The following CD274 variants were observed in gnomAD, a reference collection of about 807,000 sequenced individuals.
CD274 encodes CD274 molecule.
A neutral mutation model predicts 30.1 loss-of-function variants in CD274; 8 were observed. The observed-to-expected ratio is 0.27, with a 90% CI of 0.16 to 0.48. The LOEUF (loss-of-function observed/expected upper bound fraction) is 0.48, where lower values mean the gene tolerates loss of function less well. Among genes scored for constraint, CD274 ranks in the 20% least tolerant of loss-of-function variants. CD274 has a pLI of 0.99. For missense variants in CD274, 353 were observed against 346.6 expected (o/e 1.02, Z -0.15); for synonymous variants, 152 against 124.6 (o/e 1.22, Z -1.46).
chr9:5,467,819 T>C (rs762616684), intron 6 of CD274, 21 bp from the exon 7 acceptor site: 4 of 1,595,836 alleles, frequency 2.5e-6, no homozygotes, highest in Non-Finnish European at 3.4e-6. Flanking sequence ...ATGAAATTAA[T>C]ATACTATTAT....
In CD274 at chr9:5,450,592, T is replaced by C. The variant is rs1157531055; in HGVS notation, c.-19T>C. 1 of 152,244 alleles carries C rather than the reference T, an allele frequency of 6.6e-6. No homozygotes were observed. Among genetic ancestry groups the C allele is most frequent in the African/African-American group, 2.4e-5 (1 of 41,474 alleles). 9.4% of individuals were successfully genotyped at this position (152,244 alleles called of 1,614,324 possible). On this transcript the variant is annotated 5_prime_UTR_variant, in exon 1 of 7. Transcript: ENST00000381577. ...CGCACCAGCCGCGCTTCTGTCCGCCTGCAGGTAGGGAGCGTTGTTCCTCCG... is the reference window on the plus strand; with the variant it reads ...CGCACCAGCCGCGCTTCTGTCCGCCCGCAGGTAGGGAGCGTTGTTCCTCCG...
At chr9:5,451,272 T>C (rs937187551) in intron 1 of CD274, among the ~76,000 whole-genome samples, 1 of 152,244 alleles carries the variant, frequency 6.6e-6, no homozygotes, top group Non-Finnish European at 1.5e-5. Flanking sequence ...GATGCTTTTC[T>C]ATGAATTAAA....
intron 1 of CD274, 91 bp from the exon 2 acceptor site, chr9:5,456,009 A>G (rs2131208200): frequency 2.6e-6 from 2 of 774,908 alleles, no homozygotes; most frequent in South Asian, 3.0e-5. Context: ...TTAGAAGACT[A>G]TTTCAGTTAG....
At chr9:5,465,774 A>G (rs887710308) in intron 5 of CD274, 168 bp downstream of exon 5, 6 of 535,096 alleles carry the variant, frequency 1.1e-5, no homozygotes, top group Admixed American at 6.5e-5. Flanking sequence ...GTGAAGATGA[A>G]GCGTAAGGGG....
chr9:5,464,692 TAGG>T (rs1819466695), intron 4 of CD274, among the ~76,000 whole-genome samples: 1 of 152,160 alleles, frequency 6.6e-6, no homozygotes, highest in Non-Finnish European at 1.5e-5. Flanking sequence ...TGATGACAGA[TAGG>T]AGGAGGTGGG....
In CD274 at chr9:5,468,487, TCTC is replaced by T. The variant is rs760314519; in HGVS notation, c.*629_*631del. 1.3e-5 allele frequency: 3 copies of T among 233,060 alleles called. No individual in the cohort carries two copies. The highest frequency in any genetic ancestry group is 2.5e-5 in the Non-Finnish European group (3 of 117,992). The allele number at this position is 233,060 out of a possible 1,614,324, so 14.4% of individuals were successfully genotyped here. ...CATGGAGTATTTGTAAGGTGCTTGG[TCTC>T]CTCTATAACTACAAGTATACATTGG... On this transcript the variant is annotated 3_prime_UTR_variant, in exon 7 of 7. Transcript: ENST00000381577.
intron 6 of CD274, among the ~76,000 whole-genome samples, chr9:5,467,402 C>T (rs1162598081): frequency 6.6e-6 from 1 of 152,196 alleles, no homozygotes; most frequent in Non-Finnish European, 1.5e-5. Flanking sequence ...CAAATGTTTA[C>T]ATTTATAAGC....
intron 1 of CD274, among the ~76,000 whole-genome samples, chr9:5,451,204 G>A (rs1819196373): frequency 6.6e-6 from 1 of 152,104 alleles, no homozygotes; most frequent in Non-Finnish European, 1.5e-5. Context: ...TATAACACAA[G>A]GAGTAAAAGT....
intron 1 of CD274, among the ~76,000 whole-genome samples, chr9:5,453,402 C>G (rs1260791489): frequency 6.6e-6 from 1 of 152,168 alleles, no homozygotes; most frequent in Non-Finnish European, 1.5e-5. Flanking sequence ...GTGTTGAGAA[C>G]CAGAAAAATG....
At position 5,467,992 on chromosome 9, in the gene CD274, C is replaced by T. The variant is rs1211456039; in HGVS notation, c.*130C>T. The T allele has an allele frequency of 3.9e-6, 3 of 777,526 alleles. No homozygotes were observed. The highest frequency in any genetic ancestry group is 4.5e-6 in the Non-Finnish European group (2 of 447,820). The allele number at this position is 777,526 out of a possible 1,614,324, so 48.2% of individuals were successfully genotyped here. The stretch of plus-strand genomic sequence containing the variant: ...CAGGCAATGTGGGACTTAAAAGGCC[C>T]AAGCACTGAAAATGGAACCTGGCGA... On this transcript the variant is annotated 3_prime_UTR_variant, in exon 7 of 7. Transcript: ENST00000381577.
rs1375677270 is a variant in CD274 at position 5,458,556 on chromosome 9, C to T, written c.394+1136C>T. Among the ~76,000 whole-genome samples, 3 of 152,272 alleles carry T rather than the reference C, an allele frequency of 2.0e-5. No homozygotes were observed. The East Asian group carries it at 5.8e-4, about 29-fold the overall frequency. On this transcript the variant is annotated intron_variant, in intron 3 of 6. Transcript: ENST00000381577. ...TAACTACCATCAATCTGAGGGCTAA[C>T]AATACAAGTAGAAAAAGTATACATT...
intron 1 of CD274, among the ~76,000 whole-genome samples, chr9:5,452,240 C>A (rs1819219804): frequency 6.6e-6 from 1 of 152,174 alleles, no homozygotes; most frequent in African/African-American, 2.4e-5. Context: ...TGATCTCGAA[C>A]TCCTGACCTC....
intron 5 of CD274, chr9:5,465,814 G>T (rs7847960): frequency 0.025 from 10,175 of 403,412 alleles, 756 homozygotes; most frequent in African/African-American, 0.17. Context: ...TATGGATGGA[G>T]GTAGAAGATG....
intron 2 of CD274, 113 bp from the exon 3 acceptor site, chr9:5,456,966 A>T: frequency 2.9e-6 from 2 of 699,304 alleles, no homozygotes; most frequent in Non-Finnish European, 4.8e-6. Context: ...CAAGTTCTTA[A>T]ATATAATGAT....
At chr9:5,467,211 A>C (rs1246487150) in intron 6 of CD274, among the ~76,000 whole-genome samples, 1 of 151,082 alleles carries the variant, frequency 6.6e-6, no homozygotes, top group Non-Finnish European at 1.5e-5. Flanking sequence ...AAAGAGAGAG[A>C]GAGAGAGAGA....
At chr9:5,461,226 A>T (rs887678883) in intron 3 of CD274, among the ~76,000 whole-genome samples, 3 of 152,104 alleles carry the variant, frequency 2.0e-5, no homozygotes, top group African/African-American at 7.2e-5. Context: ...AAAAAGTGTC[A>T]CTTCTGCTGT....
Position 5,457,237 on chromosome 9 carries a change from G to C in CD274, c.211G>C (p.Glu71Gln), listed in dbSNP as rs1819321418. 1.2e-6 allele frequency: 2 copies of C among 1,614,134 alleles called. No individual in the cohort carries two copies. The highest frequency in any genetic ancestry group is 1.7e-6 in the Non-Finnish European group (2 of 1,179,988). Residue 71 changes from glutamate (E) to glutamine (Q), a missense_variant, in exon 3 of 7, where the codon GAG becomes CAG. By Grantham distance (29) the Glu-to-Gln change is conservative (BLOSUM62 2). Transcript: ENST00000381577. Reference protein sequence around the residue: ...DKNIIQFVHGEEDLKVQHSSY... With the variant: ...DKNIIQFVHGQEDLKVQHSSY... ...GAACATTATTCAATTTGTGCATGGA[G>C]AGGAAGACCTGAAGGTTCAGCATAG...
Position 5,466,819 on chromosome 9 carries a change from G to A in CD274, c.840G>A (p.Lys280=), listed in dbSNP as rs1819504267. The part of the protein sequence containing the change: ...KKCGIQDTNS[K]KQSDTHLEET ...GTGGCATCCAAGATACAAACTCAAA[G>A]AAGCAAAGTGGTAAGAATATCAGAA... is the stretch of plus-strand genomic sequence containing the variant. The change falls in exon 6 of 7, where the codon AAG becomes AAA. Residue 280 remains lysine, a synonymous_variant. Transcript: ENST00000381577. 1.2e-6 allele frequency: 2 copies of A among 1,608,968 alleles called. No individual in the cohort carries two copies. Among genetic ancestry groups the A allele is most frequent in the Non-Finnish European group, 1.7e-6 (2 of 1,177,098 alleles).
chr9:5,464,086 A>G (rs1042672170), intron 4 of CD274, among the ~76,000 whole-genome samples: 3 of 152,194 alleles, frequency 2.0e-5, no homozygotes, highest in Non-Finnish European at 4.4e-5. Context: ...TCAATAGGAA[A>G]AGATAATCCA....
Sources: allele counts gnomAD v4.1 joint callset (sites outside exome capture counted in the v4.1 genomes callset), GRCh38; gene constraint gnomAD v4.1.1; transcripts MANE v1.5; gene names NCBI Gene and HGNC (gene_info 2026-07-23, HGNC 2026-07-21).